SMOC2: variants seen among roughly 807,000 people sequenced by gnomAD.
The protein encoded by SMOC2 is SPARC-related modular calcium-binding protein 2.
In SMOC2, 39 loss-of-function variants were observed where a neutral mutation model predicts 61.4. The observed-to-expected ratio is 0.64, with a 90% CI of 0.49 to 0.83. SMOC2 has a LOEUF of 0.83. Among genes scored for constraint, SMOC2 ranks in the 40% least tolerant of loss-of-function variants. SMOC2 has a pLI of 0.00. For synonymous variants in SMOC2, 247 were observed against 239.9 expected (o/e 1.03, Z -0.27); for missense variants, 556 against 592.9 (o/e 0.94, Z 0.65).
At chr6:168,587,429 T>C (rs1343254707) in intron 7 of SMOC2, among the ~76,000 whole-genome samples, 2 of 152,180 alleles carry the variant, frequency 1.3e-5, no homozygotes, top group African/African-American at 4.8e-5. Flanking sequence ...CACAGCTTGG[T>C]TTCATGTGTG....
rs151303381 is a variant in SMOC2, at chr6:168,444,076, G to A, written c.84+2622G>A. Among the ~76,000 whole-genome samples the A allele has an allele frequency of 4.1e-4, 63 of 152,292 alleles. No homozygotes were observed. In the East Asian group the frequency reaches 0.011, roughly 27 times the overall value. ...TACCGTAATTATCAATGCATATAGC[G>A]TTGTGGCATTAAGGTGTGTGTGGAT... On this transcript the variant is annotated intron_variant, in intron 1 of 12. Coordinates refer to ENST00000356284, the MANE Select transcript of SMOC2 (RefSeq NM_001166412.2).
Position 168,598,408 on chromosome 6 carries a change from C to T in SMOC2, c.638-410C>T, listed in dbSNP as rs140676250. Among the ~76,000 whole-genome samples, 22 of 152,318 alleles carry T rather than the reference C, an allele frequency of 1.4e-4. No homozygotes were observed. The East Asian group carries it at 4.3e-3, about 29-fold the overall frequency. On this transcript the variant is annotated intron_variant, in intron 7 of 12. Transcript: ENST00000356284. ...GCCCGCTCTGAGGAATCTCCAGCCT[C>T]AATGACACGTGGCTCGGAGCAGGGA... is the stretch of plus-strand genomic sequence containing the variant.
chr6:168,620,462 G>A (rs1024514138), intron 9 of SMOC2, among the ~76,000 whole-genome samples: 1 of 152,116 alleles, frequency 6.6e-6, no homozygotes, highest in South Asian at 2.1e-4. Context: ...TTATGACCCT[G>A]GGATGAATGC....
intron 9 of SMOC2, among the ~76,000 whole-genome samples, chr6:168,631,884 A>G (rs910940384): frequency 5.3e-5 from 8 of 152,184 alleles, no homozygotes; most frequent in African/African-American, 1.9e-4. Context: ...CATTTCCTGC[A>G]CACAGCGGCT....
rs1787169584 is a variant in SMOC2, at chr6:168,650,694, C to T, written c.921C>T (p.Ala307=). 5 of 1,613,514 alleles carry T rather than the reference C, an allele frequency of 3.1e-6. No homozygotes were observed. Among genetic ancestry groups the T allele is most frequent in the Non-Finnish European group, 4.2e-6 (5 of 1,179,840 alleles). Residue 307 remains alanine, a synonymous_variant, in exon 10 of 13, where the codon GCC becomes GCT. Transcript: ENST00000356284. ...KGRQLQGCPG[A]KKHEFLTSVL... is the part of the protein sequence containing the mutation. The stretch of plus-strand genomic sequence containing the variant: ...CGTGTTTTTCAGGTTGTCCGGGTGC[C>T]AAAAAGCATGAGTTTCTGACCAGCG...
intron 2 of SMOC2, among the ~76,000 whole-genome samples, chr6:168,513,401 T>C (rs1371260223): frequency 6.6e-6 from 1 of 152,040 alleles, no homozygotes; most frequent in Non-Finnish European, 1.5e-5. Context: ...TTAGTTTTAA[T>C]TCCCGTGGTG....
rs777760203 is a variant in SMOC2, at chr6:168,666,425, G to A, written c.1328G>A (p.Arg443Lys). 2 of 1,613,740 alleles carry A rather than the reference G, an allele frequency of 1.2e-6. No homozygotes were observed. The highest frequency in any genetic ancestry group is 1.1e-5 in the South Asian group (1 of 91,078). The change falls in exon 13 of 13, where the codon AGG becomes AAG. Residue 443 changes from arginine (R) to lysine (K), a missense_variant. Transcript: ENST00000356284. Reference protein sequence around the residue: ...HAESTSNRQPRKQG With the variant: ...HAESTSNRQPKKQG ...TTTTTGTTTTTTCCTTTTCAGCCAA[G>A]GAAACAAGGATAAATGGCTCATACC... is the stretch of plus-strand genomic sequence containing the variant.
intron 9 of SMOC2, among the ~76,000 whole-genome samples, chr6:168,629,058 A>G (rs893796501): frequency 6.6e-6 from 1 of 152,196 alleles, no homozygotes; most frequent in African/African-American, 2.4e-5. Flanking sequence ...CTCTGGGGAA[A>G]ACTTGCCCTT....
Position 168,646,433 on chromosome 6 carries a change from G to A in SMOC2, c.908-4248G>A, listed in dbSNP as rs537120450. Among the ~76,000 whole-genome samples the A allele has an allele frequency of 1.1e-4, 16 of 152,294 alleles. No individual in the cohort carries two copies. The East Asian group carries it at 2.7e-3, about 26-fold the overall frequency. On this transcript the variant is annotated intron_variant, in intron 9 of 12. Transcript: ENST00000356284. The stretch of plus-strand genomic sequence containing the variant: ...ACGGGAAGGAAGCGAAAGTTAATTC[G>A]TGTCCAGACAGGAGGCGACTGAGGG...
At chr6:168,554,908 C>G (rs1040581921) in intron 7 of SMOC2, among the ~76,000 whole-genome samples, 6 of 152,222 alleles carry the variant, frequency 3.9e-5, no homozygotes, top group South Asian at 2.1e-4. Context: ...CTGCTGGGTC[C>G]CCTCTCACCA....
chr6:168,569,450 T>G (rs1011309032), intron 7 of SMOC2, among the ~76,000 whole-genome samples: 1 of 152,202 alleles, frequency 6.6e-6, no homozygotes, highest in Non-Finnish European at 1.5e-5. Flanking sequence ...TTCATTTGTT[T>G]GTTTTTTTGA....
chr6:168,580,939 G>A (rs1444249818), intron 7 of SMOC2, among the ~76,000 whole-genome samples: 18 of 152,184 alleles, frequency 1.2e-4, no homozygotes. Context: ...AAATGTGATG[G>A]CAAGCATCTT....
chr6:168,494,758 G>C (rs1782547771), intron 1 of SMOC2, among the ~76,000 whole-genome samples: 1 of 152,202 alleles, frequency 6.6e-6, no homozygotes. Flanking sequence ...CCCTCGGCTG[G>C]AGCAGCCCCA....
At chr6:168,635,107 G>A (rs1786678976) in intron 9 of SMOC2, among the ~76,000 whole-genome samples, 1 of 152,200 alleles carries the variant, frequency 6.6e-6, no homozygotes, top group Admixed American at 6.5e-5. Flanking sequence ...CACGCCTCGT[G>A]AGCACTTCAC....
At chr6:168,484,916 G>A (rs1177001948) in intron 1 of SMOC2, among the ~76,000 whole-genome samples, 2 of 152,146 alleles carry the variant, frequency 1.3e-5, no homozygotes, top group African/African-American at 4.8e-5. Context: ...TAGAGACAAA[G>A]TAGAATCTGG....
intron 7 of SMOC2, among the ~76,000 whole-genome samples, chr6:168,567,978 CG>C (rs1784580608): frequency 2.0e-5 from 3 of 150,912 alleles, no homozygotes; most frequent in African/African-American, 7.4e-5. Context: ...CAGACACAGG[CG>C]AAGACCGGAT....
At chr6:168,464,500 A>G (rs1353991089) in intron 1 of SMOC2, among the ~76,000 whole-genome samples, 2 of 152,132 alleles carry the variant, frequency 1.3e-5, no homozygotes, top group South Asian at 2.1e-4. Context: ...TAAGAAAAAA[A>G]CATTTTGGGA....
At chr6:168,652,930 T>A (rs1006422933) in intron 10 of SMOC2, 24 bp from the exon 11 acceptor site, 44 of 1,607,632 alleles carry the variant, frequency 2.7e-5, no homozygotes, top group Non-Finnish European at 3.5e-5. Flanking sequence ...TTAAGCATCC[T>A]GACGGCATCT....
At chr6:168,649,576 A>T (rs1766602487) in intron 9 of SMOC2, among the ~76,000 whole-genome samples, 2 of 152,248 alleles carry the variant, frequency 1.3e-5, no homozygotes, top group Admixed American at 1.3e-4. Flanking sequence ...AACAAAATGT[A>T]AATGGTAACA....
Sources: allele counts gnomAD v4.1 joint callset (sites outside exome capture counted in the v4.1 genomes callset), GRCh38; gene constraint gnomAD v4.1.1; transcripts MANE v1.5; gene names NCBI Gene and HGNC (gene_info 2026-07-23, HGNC 2026-07-21).